Variants in CYB5R4 observed in about 807,000 individuals in gnomAD.
CYB5R4 encodes the protein N-terminal cytochrome b5 and cytochrome b5 oxidoreductase domain-containing protein.
In CYB5R4, 55 loss-of-function variants were observed where a neutral mutation model predicts 70.2. The ratio of observed to expected loss-of-function variants is 0.78; its 90% CI spans 0.63 to 0.98. The LOEUF (loss-of-function observed/expected upper bound fraction) is 0.98. Ranked by LOEUF, CYB5R4 falls within the 50% of genes least tolerant of loss-of-function variation. The pLI is 0.00. For synonymous variants in CYB5R4, 197 were observed against 199.5 expected (o/e 0.99, Z 0.11); for missense variants, 562 against 612.6 (o/e 0.92, Z 0.87).
chr6:83,870,543 T>C (rs1162973756), intron 2 of CYB5R4, among the ~76,000 whole-genome samples: 2 of 151,930 alleles, frequency 1.3e-5, no homozygotes, highest in Admixed American at 6.6e-5. Context: ...TTCTACCTGC[T>C]CTTTTAGGAG....
At chr6:83,885,283 T>G (rs2099460070) in intron 2 of CYB5R4, among the ~76,000 whole-genome samples, 1 of 152,148 alleles carries the variant, frequency 6.6e-6, no homozygotes, top group Non-Finnish European at 1.5e-5. Flanking sequence ...GTTACACTTG[T>G]GAAAGAATGA....
rs1381625563 is a variant in CYB5R4, at chr6:83,967,015, C to G, written c.*7137C>G. On this transcript the variant is annotated 3_prime_UTR_variant, in exon 16 of 16. Transcript: ENST00000369681. ...AAAGGGAAAGAAAATTAGATCATCA[C>G]CAGACTTTTCAACAGCATTGCCTTA... 1 of 152,124 alleles carries G rather than the reference C, an allele frequency of 6.6e-6. No individual in the cohort carries two copies. Among genetic ancestry groups the G allele is most frequent in the Non-Finnish European group, 1.5e-5 (1 of 68,026 alleles). 9.4% of individuals were successfully genotyped at this position (152,124 alleles called of 1,614,324 possible).
intron 2 of CYB5R4, among the ~76,000 whole-genome samples, chr6:83,881,187 T>A (rs2099459378): frequency 6.6e-6 from 1 of 151,946 alleles, no homozygotes; most frequent in Non-Finnish European, 1.5e-5. Flanking sequence ...CTTTTTTTTT[T>A]CTTTAGAGAC....
At chr6:83,912,633 A>G (rs1418595814) in intron 4 of CYB5R4, among the ~76,000 whole-genome samples, 2 of 152,244 alleles carry the variant, frequency 1.3e-5, no homozygotes, top group East Asian at 3.8e-4. Flanking sequence ...TTGATTGGCC[A>G]TGGAGCCAAC....
At chr6:83,867,384 T>G (rs1043217625) in intron 2 of CYB5R4, among the ~76,000 whole-genome samples, 2 of 152,238 alleles carry the variant, frequency 1.3e-5, no homozygotes, top group African/African-American at 4.8e-5. Flanking sequence ...GGTCAGATTG[T>G]GGACAACCTT....
rs138788435 is a variant in CYB5R4, at chr6:83,936,424, T to A, written c.1108+48T>A. 1.2e-4 allele frequency: 189 copies of A among 1,520,582 alleles called. 1 individual carries two copies. The East Asian group carries it at 4.1e-3, about 33-fold the overall frequency. The allele number at this position is 1,520,582 out of a possible 1,614,324, so 94.2% of individuals were successfully genotyped here. On this transcript the variant is annotated intron_variant, in intron 12 of 15. Transcript: ENST00000369681. The stretch of plus-strand genomic sequence containing the variant: ...AACCTCATTTGTGCTCTAGATTGGA[T>A]CACATTGTCCTCTAGTTATCTCCAT...
rs560245198 is a variant in CYB5R4 at position 83,909,183 on chromosome 6, C to T, written c.412+93C>T. On this transcript the variant is annotated intron_variant, in intron 4 of 15. Coordinates refer to ENST00000369681, the MANE Select transcript of CYB5R4 (RefSeq NM_016230.4). ...TAAACAACTAGGTCTATACAAATCACTATGGTTTTGTAATTTTCATTGGCC... is the reference window on the plus strand; with the variant it reads ...TAAACAACTAGGTCTATACAAATCATTATGGTTTTGTAATTTTCATTGGCC... The T allele has an allele frequency of 4.0e-6, 4 of 998,098 alleles. No homozygotes were observed. In the Admixed American group the frequency reaches 6.8e-5, roughly 17 times the overall value. 61.8% of individuals were successfully genotyped at this position (998,098 alleles called of 1,614,324 possible).
At chr6:83,911,020 A>C (rs1301871749) in intron 4 of CYB5R4, among the ~76,000 whole-genome samples, 1 of 152,214 alleles carries the variant, frequency 6.6e-6, no homozygotes, top group Non-Finnish European at 1.5e-5. Flanking sequence ...ACAAAGATGA[A>C]TAGAAGAAAG....
intron 14 of CYB5R4, among the ~76,000 whole-genome samples, chr6:83,944,218 C>G (rs747420206): frequency 6.6e-5 from 10 of 152,168 alleles, no homozygotes; most frequent in Non-Finnish European, 1.2e-4. Flanking sequence ...GGAAGCCCAT[C>G]AGACTAACAG....
At chr6:83,860,388 T>C (rs1010121712) in intron 1 of CYB5R4, among the ~76,000 whole-genome samples, 5 of 152,180 alleles carry the variant, frequency 3.3e-5, no homozygotes, top group African/African-American at 1.2e-4. Flanking sequence ...ACTGCCTTTC[T>C]TTCTTCCTCT....
At position 83,958,945 on chromosome 6, in the gene CYB5R4, G is replaced by A. The variant is rs184894627; in HGVS notation, c.1512-879G>A. On this transcript the variant is annotated intron_variant, in intron 15 of 15. Transcript: ENST00000369681. ...TACTATTTTCCTAGTTGAACAATAC[G>A]CAGTATTTCTGCTTTTCCTGTTCAG... Among the ~76,000 whole-genome samples the A allele has an allele frequency of 2.0e-3, 300 of 152,194 alleles. 3 individuals carry two copies. The highest frequency in any genetic ancestry group is 2.7e-3 in the Admixed American group (41 of 15,276).
At chr6:83,930,600 T>G (rs1489098885) in intron 10 of CYB5R4, among the ~76,000 whole-genome samples, 5 of 152,160 alleles carry the variant, frequency 3.3e-5, no homozygotes, top group Non-Finnish European at 5.9e-5. Context: ...CCACCACATC[T>G]GCAGTTACTT....
intron 14 of CYB5R4, among the ~76,000 whole-genome samples, chr6:83,945,664 T>G (rs2099470471): frequency 6.6e-6 from 1 of 152,066 alleles, no homozygotes; most frequent in Non-Finnish European, 1.5e-5. Flanking sequence ...ACAGAATGGA[T>G]AGACCGCTAG....
intron 2 of CYB5R4, among the ~76,000 whole-genome samples, chr6:83,886,168 A>G (rs571416099): frequency 6.6e-6 from 1 of 152,248 alleles, no homozygotes; most frequent in African/African-American, 2.4e-5. Context: ...TCCCATGGTA[A>G]GGGGGCTGAG....
chr6:83,930,463 A>G (rs1217820136), intron 10 of CYB5R4, among the ~76,000 whole-genome samples: 1 of 152,206 alleles, frequency 6.6e-6, no homozygotes, highest in Non-Finnish European at 1.5e-5. Context: ...TTCCATCTCA[A>G]GAACCTACAT....
chr6:83,870,377 A>G (rs1293301020), intron 2 of CYB5R4, among the ~76,000 whole-genome samples: 1 of 151,904 alleles, frequency 6.6e-6, no homozygotes, highest in Non-Finnish European at 1.5e-5. Context: ...CAGTAATGAT[A>G]ACGAAAGCTT....
intron 12 of CYB5R4, among the ~76,000 whole-genome samples, chr6:83,938,751 T>C (rs904773213): frequency 4.6e-5 from 7 of 152,230 alleles, no homozygotes; most frequent in Non-Finnish European, 1.0e-4. Context: ...GAGGCTTCTT[T>C]AGTAAACAAC....
chr6:83,916,534 G>A (rs867558293), intron 5 of CYB5R4, among the ~76,000 whole-genome samples: 44 of 152,092 alleles, frequency 2.9e-4, no homozygotes, highest in Middle Eastern at 3.4e-3. Flanking sequence ...CTTGTTTTAC[G>A]TGTAGTTTTG....
chr6:83,860,007 CT>C lies in CYB5R4; in HGVS notation c.75+153del, dbSNP rs2099455684. 8.3e-6 allele frequency: 6 copies of C among 720,314 alleles called. No homozygotes were observed. In the East Asian group the frequency reaches 1.6e-4, roughly 20 times the overall value. The allele number at this position is 720,314 out of a possible 1,614,324, so 44.6% of individuals were successfully genotyped here. ...TGCCTGCAACCTCTTTCTGATCCCA[CT>C]TTGTCTACAGTCCCTAAACTCTCCT... On this transcript the variant is annotated intron_variant, in intron 1 of 15. Transcript: ENST00000369681.
Sources: allele counts gnomAD v4.1 joint callset (sites outside exome capture counted in the v4.1 genomes callset), GRCh38; gene constraint gnomAD v4.1.1; transcripts MANE v1.5; gene names NCBI Gene and HGNC (gene_info 2026-07-23, HGNC 2026-07-21).